The following PGBD2 variants were observed in gnomAD, a reference collection of about 807,000 sequenced individuals.
The protein encoded by PGBD2 is piggyBac transposable element derived 2.
Under a neutral mutation model 8.1 loss-of-function variants are expected in PGBD2, and 6 were observed. The observed-to-expected ratio is 0.74, with a 90% CI of 0.40 to 1.46. The LOEUF (loss-of-function observed/expected upper bound fraction) is 1.46, where lower values mean the gene tolerates loss of function less well. Ranked by LOEUF, PGBD2 falls within the 40% of genes most tolerant of loss-of-function variation. The probability of loss-of-function intolerance (pLI) is 0.02; values close to 1 mark genes in which losing one functional copy is unlikely to be tolerated. For missense variants in PGBD2, 802 were observed against 739.0 expected (o/e 1.09, Z -0.99); for synonymous variants, 318 against 272.2 (o/e 1.17, Z -1.66).
chr1:248,911,591 G>A lies in PGBD2; in HGVS notation c.-47-2225G>A, dbSNP rs1261035096. On this transcript the variant is annotated intron_variant, in intron 1 of 2. Coordinates refer to ENST00000329291, the MANE Select transcript of PGBD2 (RefSeq NM_170725.3). ...CTTTCCCCCTTTTCTATTCCACAAA[G>A]CCGCCATTGTCATCCTGGCCCGTTC... 9.1e-4 allele frequency among the ~76,000 whole-genome samples: 132 copies of A among 144,850 alleles called. 4 individuals carry two copies. The highest frequency in any genetic ancestry group is 2.6e-3 in the African/African-American group (91 of 35,014).
intron 1 of PGBD2, among the ~76,000 whole-genome samples, chr1:248,913,047 C>T (rs1359535401): frequency 6.6e-6 from 1 of 152,078 alleles, no homozygotes; most frequent in Non-Finnish European, 1.5e-5. Flanking sequence ...GGTGATCTGC[C>T]CGCCTCGGCC....
chr1:248,906,791 G>A (rs2103100845), intron 1 of PGBD2, among the ~76,000 whole-genome samples: 1 of 152,212 alleles, frequency 6.6e-6, no homozygotes, highest in South Asian at 2.1e-4. Flanking sequence ...TTTTAACTGC[G>A]TCTGCCTGGG....
At chr1:248,911,437 A>G (rs1292647984) in intron 1 of PGBD2, among the ~76,000 whole-genome samples, 2 of 149,360 alleles carry the variant, frequency 1.3e-5, no homozygotes, top group Non-Finnish European at 2.9e-5. Flanking sequence ...GTTGGGGGTA[A>G]GGTCACAGAT....
chr1:248,915,040 G>A (rs1662044163), intron 2 of PGBD2, among the ~76,000 whole-genome samples: 3 of 152,194 alleles, frequency 2.0e-5, no homozygotes, highest in African/African-American at 7.2e-5. Flanking sequence ...CACTCTGTGA[G>A]CCTTCTCTCA....
upstream of PGBD2, among the ~76,000 whole-genome samples, chr1:248,901,789 C>CA (rs1161527060): frequency 3.9e-5 from 6 of 151,942 alleles, no homozygotes; most frequent in Admixed American, 6.6e-5. Context: ...CAAAACAAAG[C>CA]AAAAAAACCA....
the PGBD2 span, among the ~76,000 whole-genome samples, chr1:248,926,439 C>G: frequency 1.3e-5 from 2 of 152,266 alleles, no homozygotes; most frequent in African/African-American, 4.8e-5. Context: ...AAGTCATGGA[C>G]AAAATGGGCC....
Position 248,917,610 on chromosome 1 carries a change from T to C in PGBD2, c.1026T>C (p.Gly342=). The stretch of plus-strand genomic sequence containing the variant: ...TTGTGGATGCGCTTCAGGAGCGTGG[T>C]TTTCTGCCATATCACATATTTTTTG... ...IKFVDALQER[G]FLPYHIFFDK... is the part of the protein sequence containing the mutation. Residue 342 remains glycine (G), a synonymous_variant, in exon 3 of 3, where the codon GGT becomes GGC. Coordinates refer to ENST00000329291, the MANE Select transcript of PGBD2 (RefSeq NM_170725.3). 1 of 1,614,160 alleles carries C rather than the reference T, an allele frequency of 6.2e-7. No homozygotes were observed. Among genetic ancestry groups the C allele is most frequent in the Non-Finnish European group, 8.5e-7 (1 of 1,180,034 alleles).
At chr1:248,892,132 C>T in the PGBD2 span, among the ~76,000 whole-genome samples, 1 of 152,146 alleles carries the variant, frequency 6.6e-6, no homozygotes, top group South Asian at 2.1e-4. Flanking sequence ...TTTGAGATTG[C>T]TTATATAGAC....
downstream of PGBD2, chr1:248,919,372 A>G (rs1434693726): frequency 6.0e-6 from 1 of 166,578 alleles, no homozygotes; most frequent in African/African-American, 2.4e-5. Context: ...ATTTCACTTA[A>G]CATAATGACC....
chr1:248,918,488 T>C lies in PGBD2; in HGVS notation c.*125T>C. The C allele has an allele frequency of 1.1e-6, 1 of 910,336 alleles. No homozygotes were observed. The highest frequency in any genetic ancestry group is 1.6e-6 in the Non-Finnish European group (1 of 620,332). 56.4% of individuals were successfully genotyped at this position (910,336 alleles called of 1,614,324 possible). On this transcript the variant is annotated 3_prime_UTR_variant, in exon 3 of 3. Transcript: ENST00000329291. ...TTTCTAATGACTTGATTTTCTATTT[T>C]CTCCCTACCCACAATACAGTTATCT...
At chr1:248,929,183 C>T in the PGBD2 span, among the ~76,000 whole-genome samples, 425 of 152,258 alleles carry the variant, frequency 2.8e-3, 3 homozygotes, top group African/African-American at 9.8e-3. Context: ...TAATTGTAGC[C>T]TCAGGCTAAA....
chr1:248,911,969 G>A (rs1279240162), intron 1 of PGBD2, among the ~76,000 whole-genome samples: 1 of 152,044 alleles, frequency 6.6e-6, no homozygotes, highest in Non-Finnish European at 1.5e-5. Context: ...GTGGCCCAGA[G>A]TGAGTTGTCC....
the PGBD2 span, among the ~76,000 whole-genome samples, chr1:248,892,517 T>C: frequency 6.6e-6 from 1 of 151,984 alleles, no homozygotes; most frequent in Non-Finnish European, 1.5e-5. Context: ...TAGTCATTTA[T>C]AGAACAAGAA....
upstream of PGBD2, among the ~76,000 whole-genome samples, chr1:248,904,072 A>T (rs904086562): frequency 3.7e-5 from 5 of 134,992 alleles, no homozygotes; most frequent in African/African-American, 2.0e-4. Flanking sequence ...TCTTCTTTTT[A>T]TGTTTTTTTT....
chr1:248,912,429 C>T (rs981246507), intron 1 of PGBD2, among the ~76,000 whole-genome samples: 16 of 152,158 alleles, frequency 1.1e-4, no homozygotes, highest in Non-Finnish European at 2.2e-4. Context: ...TTCCATGCCT[C>T]AGTTTCCTCA....
chr1:248,891,093 C>T, the PGBD2 span, among the ~76,000 whole-genome samples: 3 of 152,216 alleles, frequency 2.0e-5, no homozygotes, highest in African/African-American at 4.8e-5. Flanking sequence ...CATAGACATA[C>T]ACTCATGGTT....
In PGBD2 at chr1:248,917,265, C is replaced by A. The variant is rs1423118494; in HGVS notation, c.681C>A (p.Tyr227Ter). 1 of 1,614,156 alleles carries A rather than the reference C, an allele frequency of 6.2e-7. No individual in the cohort carries two copies. Among genetic ancestry groups the A allele is most frequent in the South Asian group, 1.1e-5 (1 of 91,086 alleles). The change falls in exon 3 of 3, where the codon TAC becomes TAA. Residue 227 changes from tyrosine to a stop codon, truncating the protein, a stop_gained. Transcript: ENST00000329291. LOFTEE classifies it low-confidence loss of function (END_TRUNC). Reference sequence around the variant, plus strand: ...ACAGATTTGAACTAATCTTCTCATACTTACATTTTGCAGATAACAACGAAC... The same window carrying A: ...ACAGATTTGAACTAATCTTCTCATAATTACATTTTGCAGATAACAACGAAC... ...RRDRFELIFS[Y>*]LHFADNNELD...
chr1:248,887,544 A>T, the PGBD2 span, among the ~76,000 whole-genome samples: 1 of 152,136 alleles, frequency 6.6e-6, no homozygotes. Context: ...TCTTGTTAGT[A>T]ATGATGTTAT....
chr1:248,924,910 G>A (rs1407560480), downstream of PGBD2, among the ~76,000 whole-genome samples: 1 of 152,174 alleles, frequency 6.6e-6, no homozygotes, highest in Non-Finnish European at 1.5e-5. Context: ...CTGCCCTCTA[G>A]TGGATTCTGG....
Sources: allele counts gnomAD v4.1 joint callset (sites outside exome capture counted in the v4.1 genomes callset), GRCh38; gene constraint gnomAD v4.1.1; transcripts MANE v1.5; gene names NCBI Gene and HGNC (gene_info 2026-07-23, HGNC 2026-07-21).